The following ADAM22 variants were observed in gnomAD, a reference collection of about 807,000 sequenced individuals.
ADAM22 encodes ADAM metallopeptidase domain 22.
Under a neutral mutation model 144.6 loss-of-function variants are expected in ADAM22, and 65 were observed. The ratio of observed to expected loss-of-function variants is 0.45; its 90% CI spans 0.37 to 0.55. The LOEUF is 0.55. ADAM22 is among the 20% of genes least tolerant of loss of function. ADAM22 has a pLI of 0.00. For missense variants in ADAM22, 974 were observed against 1,184.9 expected, an observed-to-expected ratio of 0.82 and a Z score of 2.61; for synonymous variants, 391 against 412.6, an observed-to-expected ratio of 0.95 and a Z score of 0.63.
At chr7:88,000,280 C>T (rs768022659) in intron 3 of ADAM22, among the ~76,000 whole-genome samples, 7 of 152,026 alleles carry the variant, frequency 4.6e-5, no homozygotes, top group Non-Finnish European at 8.8e-5. Context: ...TTGACAGCAA[C>T]AGTACAGAGA....
intron 7 of ADAM22, among the ~76,000 whole-genome samples, chr7:88,123,460 C>A (rs1585939565): frequency 6.6e-6 from 1 of 152,060 alleles, no homozygotes; most frequent in Non-Finnish European, 1.5e-5. Context: ...TATATACACA[C>A]GTTCAAGGAA....
intron 4 of ADAM22, among the ~76,000 whole-genome samples, chr7:88,098,858 A>G (rs746303606): frequency 3.9e-5 from 6 of 152,034 alleles, no homozygotes; most frequent in Non-Finnish European, 5.9e-5. Flanking sequence ...AATATGCCTA[A>G]TCCTTTTGGT....
At chr7:87,956,500 G>A (rs968186120) in intron 2 of ADAM22, among the ~76,000 whole-genome samples, 6 of 152,226 alleles carry the variant, frequency 3.9e-5, no homozygotes, top group Non-Finnish European at 1.5e-5. Context: ...AATGGTATAC[G>A]ATTGAGTTTT....
intron 21 of ADAM22, among the ~76,000 whole-genome samples, chr7:88,154,128 A>T (rs1410960633): frequency 6.6e-6 from 1 of 152,200 alleles, no homozygotes; most frequent in Non-Finnish European, 1.5e-5. Context: ...AAACTGAGAC[A>T]CAGTTAATTT....
chr7:87,999,408 C>A (rs966583657), intron 3 of ADAM22, among the ~76,000 whole-genome samples: 1 of 108,540 alleles, frequency 9.2e-6, no homozygotes, highest in Non-Finnish European at 2.1e-5. Flanking sequence ...GTGCTGGAAT[C>A]AAGAATCAGG....
At chr7:88,108,001 C>CA (rs1303504355) in intron 4 of ADAM22, among the ~76,000 whole-genome samples, 175 bp from the exon 5 acceptor site, 3 of 152,152 alleles carry the variant, frequency 2.0e-5, no homozygotes, top group Admixed American at 1.3e-4. Context: ...TCAGCTCACT[C>CA]AGAGTGTTTA....
In ADAM22 at chr7:88,151,327, A is replaced by G. The variant is rs758316387; in HGVS notation, c.1681+7A>G. On this transcript the variant is annotated splice_region_variant and intron_variant, in intron 20 of 31. Coordinates refer to ENST00000413139, the MANE Select transcript of ADAM22 (RefSeq NM_001324418.2). Reference sequence around the variant, plus strand: ...AAATACATTTGGGGGCAAAGTAAGTAAATAGTGTGGCTTGATCATTGTTAA... The same window carrying G: ...AAATACATTTGGGGGCAAAGTAAGTGAATAGTGTGGCTTGATCATTGTTAA... 1.2e-6 allele frequency: 2 copies of G among 1,614,078 alleles called. No individual in the cohort carries two copies. The highest frequency in any genetic ancestry group is 1.6e-4 in the Middle Eastern group (1 of 6,062).
intron 3 of ADAM22, among the ~76,000 whole-genome samples, chr7:88,051,931 G>A (rs912124175): frequency 6.6e-6 from 1 of 151,956 alleles, no homozygotes; most frequent in Non-Finnish European, 1.5e-5. Flanking sequence ...TTTTACCTTT[G>A]CCTTTCAACA....
intron 3 of ADAM22, among the ~76,000 whole-genome samples, chr7:88,066,148 T>C (rs1811188928): frequency 6.6e-6 from 1 of 152,290 alleles, no homozygotes; most frequent in South Asian, 2.1e-4. Flanking sequence ...TGTTATATTC[T>C]TCATGTGGAT....
At chr7:87,975,488 A>G (rs986474248) in intron 2 of ADAM22, among the ~76,000 whole-genome samples, 2 of 152,044 alleles carry the variant, frequency 1.3e-5, no homozygotes, top group African/African-American at 4.8e-5. Context: ...ATGTTAACAT[A>G]CTCCTGTTCC....
intron 3 of ADAM22, among the ~76,000 whole-genome samples, chr7:88,000,032 AAATGACAGAGTTTACCAAT>A (rs1204661883): frequency 2.0e-5 from 3 of 152,158 alleles, no homozygotes; most frequent in Non-Finnish European, 4.4e-5. Flanking sequence ...CCATCTCTCA[AAATGACAGAGTTTACCAAT>A]ATGACATTCA....
intron 4 of ADAM22, among the ~76,000 whole-genome samples, chr7:88,083,800 T>C (rs1817656571): frequency 6.6e-6 from 1 of 152,104 alleles, no homozygotes; most frequent in Non-Finnish European, 1.5e-5. Context: ...TATTCGGAAC[T>C]GAAGATTGGT....
At chr7:87,973,021 A>T (rs1453777666) in intron 2 of ADAM22, among the ~76,000 whole-genome samples, 1 of 152,230 alleles carries the variant, frequency 6.6e-6, no homozygotes, top group Non-Finnish European at 1.5e-5. Context: ...ACCATTCAGG[A>T]CATAGGCACG....
chr7:88,087,412 A>ATTTTTGTTTG (rs1818717445), intron 4 of ADAM22, among the ~76,000 whole-genome samples: 1 of 152,184 alleles, frequency 6.6e-6, no homozygotes, highest in African/African-American at 2.4e-5. Context: ...CAAGAATGGT[A>ATTTTTGTTTG]AAAGACACAC....
intron 2 of ADAM22, among the ~76,000 whole-genome samples, chr7:87,950,345 A>G (rs1349723995): frequency 6.1e-5 from 8 of 130,982 alleles, no homozygotes; most frequent in East Asian, 2.3e-4. Flanking sequence ...GTGTCCATGT[A>G]TTCTCATTGT....
At position 88,179,294 on chromosome 7, in the gene ADAM22, A is replaced by G. The variant is rs148280373; in HGVS notation, c.2495+165A>G. 5.9e-3 allele frequency among the ~76,000 whole-genome samples: 895 copies of G among 152,178 alleles called. 13 individuals carry two copies. Among genetic ancestry groups the G allele is most frequent in the African/African-American group, 0.02 (849 of 41,554 alleles). ...ACAATAACTCTGAATCTATATAGAA[A>G]CCTCAGGGTTTTTCAGTCTTGCTTT... On this transcript the variant is annotated intron_variant, in intron 27 of 31. Transcript: ENST00000413139.
chr7:88,022,537 G>C (rs557151326), intron 3 of ADAM22, among the ~76,000 whole-genome samples: 1 of 152,242 alleles, frequency 6.6e-6, no homozygotes, highest in African/African-American at 2.4e-5. Context: ...ATAGGAAAGA[G>C]GATTTGGGTT....
At chr7:88,158,834 T>C (rs770869640) in intron 22 of ADAM22, among the ~76,000 whole-genome samples, 1 of 151,844 alleles carries the variant, frequency 6.6e-6, no homozygotes, top group African/African-American at 2.4e-5. Flanking sequence ...CAATCTAACA[T>C]CACAACTAAA....
At chr7:88,064,215 A>T (rs1810607888) in intron 3 of ADAM22, among the ~76,000 whole-genome samples, 1 of 152,216 alleles carries the variant, frequency 6.6e-6, no homozygotes, top group African/African-American at 2.4e-5. Flanking sequence ...TTTAATGCTG[A>T]TGTAGCTACA....
Sources: allele counts gnomAD v4.1 joint callset (sites outside exome capture counted in the v4.1 genomes callset), GRCh38; gene constraint gnomAD v4.1.1; transcripts MANE v1.5; gene names NCBI Gene and HGNC (gene_info 2026-07-23, HGNC 2026-07-21).